The following MADD variants were observed in gnomAD, a reference collection of about 807,000 sequenced individuals.
MADD encodes MAP kinase-activating death domain protein.
In MADD, 109 loss-of-function variants were observed where a neutral mutation model predicts 176.7. The ratio of observed to expected loss-of-function variants is 0.62; its 90% confidence interval spans 0.53 to 0.72. The LOEUF (loss-of-function observed/expected upper bound fraction) is 0.72, where lower values mean the gene tolerates loss of function less well. MADD is among the 30% of genes least tolerant of loss of function. MADD has a pLI of 0.00. For synonymous variants in MADD, 771 were observed against 771.3 expected, an observed-to-expected ratio of 1.00 and a Z score of 0.01; for missense variants, 1,914 against 2,045.5, an observed-to-expected ratio of 0.94 and a Z score of 1.24.
intron 27 of MADD, among the ~76,000 whole-genome samples, chr11:47,322,926 G>A (rs984937388): frequency 2.0e-5 from 3 of 151,920 alleles, no homozygotes; most frequent in Non-Finnish European, 4.4e-5. Flanking sequence ...CTTTAAGTCC[G>A]TAGAGCACAT....
At chr11:47,280,357 T>C (rs560497305) in intron 7 of MADD, among the ~76,000 whole-genome samples, 11 of 152,250 alleles carry the variant, frequency 7.2e-5, no homozygotes, top group Non-Finnish European at 1.2e-4. Flanking sequence ...AATGGGTCAT[T>C]GTGTTTCATC....
At chr11:47,328,017 G>C in intron 31 of MADD, 1 of 989,848 alleles carries the variant, frequency 1.0e-6, no homozygotes, top group Non-Finnish European at 1.2e-6. Context: ...GTACTCGCCT[G>C]TCTTCTGCTG....
exon 30 of MADD, chr11:47,324,520 G>A: frequency 6.2e-7 from 1 of 1,614,142 alleles, no homozygotes; most frequent in Non-Finnish European, 8.5e-7. Context: ...AGACTGGTGA[G>A]GGTGGCCTGC....
chr11:47,278,032 T>G, intron 5 of MADD, 133 bp from the exon 6 acceptor site: 1 of 664,798 alleles, frequency 1.5e-6, no homozygotes, highest in Non-Finnish European at 2.7e-6. Context: ...TTCTGAATTT[T>G]CAAATACATC....
upstream of MADD, chr11:47,269,581 C>T (rs1958289061): frequency 6.6e-6 from 1 of 152,166 alleles, no homozygotes; most frequent in Non-Finnish European, 1.5e-5. Context: ...TGACTGGACT[C>T]CATCTCCCAG....
At chr11:47,324,621 T>C in intron 30 of MADD, 44 bp downstream of exon 33, 1 of 1,346,588 alleles carries the variant, frequency 7.4e-7, no homozygotes, top group Non-Finnish European at 1.1e-6. Flanking sequence ...GTTCCATCTG[T>C]AAGAAGGACC....
At chr11:47,328,515 C>CA in intron 31 of MADD, 143 bp from the exon 36 acceptor site, 1 of 1,514,614 alleles carries the variant, frequency 6.6e-7, no homozygotes, top group South Asian at 1.3e-5. Flanking sequence ...TCTGCCCTGT[C>CA]ATAGCCTAAG....
chr11:47,317,080 T>C (rs1416155376), intron 27 of MADD, among the ~76,000 whole-genome samples: 2 of 152,228 alleles, frequency 1.3e-5, no homozygotes, highest in African/African-American at 4.8e-5. Flanking sequence ...TAGCACATCT[T>C]ATCCATTGCT....
chr11:47,314,232 A>C (rs1334930488), intron 26 of MADD, among the ~76,000 whole-genome samples: 1 of 129,506 alleles, frequency 7.7e-6, no homozygotes, highest in Non-Finnish European at 1.7e-5. Context: ...ACCCTGTCTC[A>C]AAAAAAAAAA....
rs762982823 is a variant in MADD, at chr11:47,315,284, T to A, written c.4154T>A (p.Val1385Glu). 1.2e-6 allele frequency: 2 copies of A among 1,613,878 alleles called. No homozygotes were observed. The highest frequency in any genetic ancestry group is 1.7e-6 in the Non-Finnish European group (2 of 1,179,836). ...CACATGAAGAAGCAGACATTTGTGG[T>A]ACATGCAGGGACAGATACAAACGGA... Residue 1385 changes from valine to glutamate, a missense_variant, in exon 27 of 33, where the codon GTA becomes GAA. Around this residue, in one of 2 missense-constraint regions of MADD, gnomAD observed 1,767 missense variants for 1,836.0 expected, o/e 0.96. Coordinates refer to ENST00000402192, the Ensembl canonical transcript of MADD.
chr11:47,279,035 C>T (rs1039848297), exon 7 of MADD: 2 of 1,614,046 alleles, frequency 1.2e-6, no homozygotes, highest in Non-Finnish European at 8.5e-7. Context: ...GCTGCCTATC[C>T]TGCCAGAACC....
intron 25 of MADD, among the ~76,000 whole-genome samples, chr11:47,310,658 C>A (rs965569613): frequency 6.6e-6 from 1 of 151,786 alleles, no homozygotes; most frequent in Non-Finnish European, 1.5e-5. Context: ...GTAATCCAAG[C>A]ACTTTGGGAG....
At chr11:47,297,789 C>CTTTTTTTTTTTT (rs35063043) in intron 22 of MADD, among the ~76,000 whole-genome samples, 2 of 113,388 alleles carry the variant, frequency 1.8e-5, no homozygotes, top group African/African-American at 3.4e-5. Flanking sequence ...TTCTTTCTTT[C>CTTTTTTTTTTTT]TTTTTTTTTT....
chr11:47,327,256 C>T (rs2095547061), intron 31 of MADD: 31 of 993,598 alleles, frequency 3.1e-5, no homozygotes, highest in East Asian at 1.1e-4. Flanking sequence ...AAAGGGGCAC[C>T]GGGCGTCGCA....
intron 20 of MADD, 67 bp from the exon 23 acceptor site, chr11:47,295,429 C>T: frequency 1.9e-5 from 25 of 1,282,648 alleles, no homozygotes; most frequent in Middle Eastern, 1.8e-4. Flanking sequence ...GAAAAAGGTA[C>T]AGTATTTCTG....
At chr11:47,307,449 T>A (rs1016127309) in intron 22 of MADD, among the ~76,000 whole-genome samples, 7 of 152,154 alleles carry the variant, frequency 4.6e-5, no homozygotes, top group Non-Finnish European at 8.8e-5. Context: ...CAAACAAGGC[T>A]GTTTTAATAA....
At chr11:47,301,552 G>T (rs1461903644) in intron 22 of MADD, among the ~76,000 whole-genome samples, 1 of 152,038 alleles carries the variant, frequency 6.6e-6, no homozygotes, top group East Asian at 1.9e-4. Flanking sequence ...CTACTTTTTT[G>T]ATGTGACGTT....
At chr11:47,296,036 C>G (rs1472197888) in exon 22 of MADD, 2 of 1,613,970 alleles carry the variant, frequency 1.2e-6, no homozygotes, top group Non-Finnish European at 1.7e-6. Flanking sequence ...GAGACCAACT[C>G]TGCCACAAGC....
At chr11:47,324,193 G>A (rs1357034718) in intron 28 of MADD, 72 bp from the exon 32 acceptor site, 11 of 1,369,956 alleles carry the variant, frequency 8.0e-6, no homozygotes, top group Non-Finnish European at 1.0e-5. Flanking sequence ...GCCTTCAGTG[G>A]CCATTATAGA....
Sources: gnomAD v4.1 joint callset for allele counts (sites outside exome capture counted in the v4.1 genomes callset) on GRCh38, gnomAD v4.1.1 for gene constraint, gnomAD v4.1.1 regional missense constraint, MANE v1.5 for transcripts, NCBI Gene and HGNC (gene_info 2026-07-23, HGNC 2026-07-21) for gene names.